ZFYVE19: variants seen among roughly 807,000 people sequenced by gnomAD.
The protein encoded by ZFYVE19 is zinc finger FYVE-type containing 19.
ZFYVE19 carries 49 observed loss-of-function variants against 62.8 expected under a neutral mutation model. That is an observed-to-expected ratio of 0.78 (90% CI 0.62 to 0.99). The LOEUF is 0.99. Among genes scored for constraint, ZFYVE19 ranks in the 50% least tolerant of loss-of-function variants. The probability of loss-of-function intolerance (pLI) is 0.00; values close to 1 mark genes in which losing one functional copy is unlikely to be tolerated. For missense variants in ZFYVE19, 630 were observed against 601.9 expected, an observed-to-expected ratio of 1.05 and a Z score of -0.49; for synonymous variants, 242 against 234.3, an observed-to-expected ratio of 1.03 and a Z score of -0.30.
rs770649702 is a variant in ZFYVE19 at position 40,809,160 on chromosome 15, C to T, written c.321C>T (p.Cys107=). ...KNCGRAFCSG[C]LSFSAAVPRT... is the part of the protein sequence containing the mutation. ...GTGGCAGGGCCTTCTGTTCAGGCTG[C>T]CTAAGCTTCAGTGCAGCAGTGCCTC... is the stretch of plus-strand genomic sequence containing the variant. The change falls in exon 2 of 11, where the codon TGC becomes TGT. Residue 107 remains cysteine, a synonymous_variant. Coordinates refer to ENST00000355341, the MANE Select transcript of ZFYVE19 (RefSeq NM_001077268.2). 1 of 1,614,060 alleles carries T rather than the reference C, an allele frequency of 6.2e-7. No individual in the cohort carries two copies. The highest frequency in any genetic ancestry group is 8.5e-7 in the Non-Finnish European group (1 of 1,180,036).
chr15:40,813,448 T>C (rs1890561676), intron 8 of ZFYVE19, 31 bp downstream of exon 8: 2 of 1,570,848 alleles, frequency 1.3e-6, no homozygotes, highest in Non-Finnish European at 1.7e-6. Flanking sequence ...TGCCACCCCT[T>C]GTCCCGTCTC....
chr15:40,814,075 G>C lies in ZFYVE19; in HGVS notation c.1337+5G>C, dbSNP rs1456119055. The stretch of plus-strand genomic sequence containing the variant: ...CTTCTGTGCCCGCTGCTTCCGGTGG[G>C]TGCAGGTGGAATGTTCTGTGCGAGA... On this transcript the variant is annotated splice_donor_5th_base_variant and intron_variant, in intron 10 of 10. Coordinates refer to ENST00000355341, the MANE Select transcript of ZFYVE19 (RefSeq NM_001077268.2). The C allele has an allele frequency of 6.2e-7, 1 of 1,614,114 alleles. No individual in the cohort carries two copies. Among genetic ancestry groups the C allele is most frequent in the Non-Finnish European group, 8.5e-7 (1 of 1,179,994 alleles).
rs1311440537 is a variant in ZFYVE19, at chr15:40,807,865, G to C, written c.276G>C (p.Lys92Asn). The change falls in exon 1 of 11, where the codon AAG becomes AAC. Residue 92 changes from lysine (K) to asparagine (N), a missense_variant. Physicochemically the swap from Lys to Asn is moderately conservative, Grantham distance 94. Coordinates refer to ENST00000355341, the MANE Select transcript of ZFYVE19 (RefSeq NM_001077268.2). ...CTGTCAAGTTCACCCTCTTCAAGAAGGAGGCGAGTCTTCCCTCCCCGAGGG... is the reference window on the plus strand; with the variant it reads ...CTGTCAAGTTCACCCTCTTCAAGAACGAGGCGAGTCTTCCCTCCCCGAGGG... ...GCAVKFTLFK[K>N]EYGCKNCGRA... is the part of the protein sequence containing the mutation. The C allele has an allele frequency of 2.0e-6, 3 of 1,535,422 alleles. No individual in the cohort carries two copies. Among genetic ancestry groups the C allele is most frequent in the Non-Finnish European group, 1.7e-6 (2 of 1,149,170 alleles).
chr15:40,808,250 C>G, intron 1 of ZFYVE19: 2 of 1,596,662 alleles, frequency 1.3e-6, no homozygotes, highest in Non-Finnish European at 1.7e-6. Flanking sequence ...TTCCCCATCC[C>G]GCAGCCTGCC....
At chr15:40,813,046 T>A in intron 7 of ZFYVE19, 144 bp downstream of exon 7, 2 of 975,474 alleles carry the variant, frequency 2.1e-6, no homozygotes, top group Non-Finnish European at 3.0e-6. Context: ...AGCAAAGCAG[T>A]GGGTGAGGAG....
rs1566840252 is a variant in ZFYVE19 at position 40,814,404 on chromosome 15, G to C, written c.*178G>C. ...ATTCTCCATTCGAGAGAATGACTGG[G>C]AGGGAAGAAGTCGGGGCCCTCCTAT... On this transcript the variant is annotated 3_prime_UTR_variant, in exon 11 of 11. Transcript: ENST00000355341. 1.3e-6 allele frequency: 1 copy of C among 746,356 alleles called. No individual in the cohort carries two copies. The highest frequency in any genetic ancestry group is 2.1e-6 in the Non-Finnish European group (1 of 466,392). The allele number at this position is 746,356 out of a possible 1,614,324, so 46.2% of individuals were successfully genotyped here. A position where few individuals can be genotyped will look rare whatever the true frequency, so the allele number is the denominator to read the frequency against.
In ZFYVE19 at chr15:40,810,675, C is replaced by G. The variant is rs1281167322; in HGVS notation, c.744C>G (p.Thr248=). 3.2e-6 allele frequency: 5 copies of G among 1,574,988 alleles called. No homozygotes were observed. In the East Asian group the frequency reaches 9.3e-5, roughly 29 times the overall value. ...CACATCACACACCGGACACCAGGACCCAAGCCCAGCAGACACAGGATCTGC... is the reference window on the plus strand; with the variant it reads ...CACATCACACACCGGACACCAGGACGCAAGCCCAGCAGACACAGGATCTGC... ...QPAHHTPDTR[T]QAQQTQDLLT... is the part of the protein sequence containing the mutation. The change falls in exon 6 of 11, where the codon ACC becomes ACG. Residue 248 remains threonine, a synonymous_variant. Coordinates refer to ENST00000355341, the MANE Select transcript of ZFYVE19 (RefSeq NM_001077268.2).
At chr15:40,812,560 A>AT in intron 6 of ZFYVE19, 139 bp from the exon 7 acceptor site, 4 of 325,764 alleles carry the variant, frequency 1.2e-5, no homozygotes, top group Non-Finnish European at 2.0e-5. Context: ...AAAAAAAAAA[A>AT]GAAAGAAAGA....
Position 40,812,899 on chromosome 15 carries a change from A to G in ZFYVE19, c.1027A>G (p.Arg343Gly), listed in dbSNP as rs543909533. The change falls in exon 7 of 11, where the codon AGA (arginine) becomes GGA (glycine). Residue 343 changes from arginine (R) to glycine (G), a missense_variant. Coordinates refer to ENST00000355341, the MANE Select transcript of ZFYVE19 (RefSeq NM_001077268.2). Reference sequence around the variant, plus strand: ...CATGCTGCGGGGACAGGACCCCGAGAGAGGTGAAGGCTGGGGAGCAGCTGC... The same window carrying G: ...CATGCTGCGGGGACAGGACCCCGAGGGAGGTGAAGGCTGGGGAGCAGCTGC... The part of the protein sequence containing the change: ...LAMLRGQDPE[R>G]VTLQDYRLPD... 1.4e-5 allele frequency: 22 copies of G among 1,610,216 alleles called. No individual in the cohort carries two copies. The South Asian group carries it at 2.3e-4, about 17-fold the overall frequency.
chr15:40,808,313 A>T (rs764939383), intron 1 of ZFYVE19: 1 of 1,597,864 alleles, frequency 6.3e-7, no homozygotes, highest in East Asian at 2.2e-5. Flanking sequence ...CTTCCGGGGC[A>T]CCATGGTGAA....
chr15:40,810,796 C>A, intron 6 of ZFYVE19, 39 bp downstream of exon 6: 1 of 1,550,104 alleles, frequency 6.5e-7, no homozygotes, highest in South Asian at 1.2e-5. Context: ...TCTGCCCTAC[C>A]TCTTTCCCCA....
At position 40,807,116 on chromosome 15, in the gene ZFYVE19, C is replaced by G. The variant is rs545172747; in HGVS notation, c.-474C>G. The G allele has an allele frequency of 4.4e-6, 4 of 901,396 alleles. No individual in the cohort carries two copies. The African/African-American group carries it at 6.7e-5, about 15-fold the overall frequency. 55.8% of individuals were successfully genotyped at this position (901,396 alleles called of 1,614,324 possible). A position where few individuals can be genotyped will look rare whatever the true frequency, so the allele number is the denominator to read the frequency against. On this transcript the variant is annotated 5_prime_UTR_variant, in exon 1 of 11. Coordinates refer to ENST00000355341, the MANE Select transcript of ZFYVE19 (RefSeq NM_001077268.2). ...TCCTTGCTGCCTCGCCCCGCGGCCT[C>G]TAGGAGACAGGGGCCACGGGGAGAG...
At position 40,807,675 on chromosome 15, in the gene ZFYVE19, G is replaced by T; in HGVS notation, c.86G>T (p.Arg29Leu). 6.2e-7 allele frequency: 1 copy of T among 1,610,958 alleles called. No homozygotes were observed. Residue 29 changes from arginine to leucine, a missense_variant, in exon 1 of 11, where the codon CGC (arginine) becomes CTC (leucine). Coordinates refer to ENST00000355341, the MANE Select transcript of ZFYVE19 (RefSeq NM_001077268.2). ...RRASGFPALG[R>L]GGTVPVGVWG... is the part of the protein sequence containing the mutation. ...GCGTCCGGATTCCCTGCTCTAGGTC[G>T]CGGCGGGACAGTGCCAGTGGGCGTG...
chr15:40,807,148 C>T lies in ZFYVE19; in HGVS notation c.-442C>T. 8.6e-7 allele frequency: 1 copy of T among 1,165,270 alleles called. No homozygotes were observed. The highest frequency in any genetic ancestry group is 1.2e-6 in the Non-Finnish European group (1 of 849,694). 72.2% of individuals were successfully genotyped at this position (1,165,270 alleles called of 1,614,324 possible). On this transcript the variant is annotated 5_prime_UTR_variant, in exon 1 of 11. Coordinates refer to ENST00000355341, the MANE Select transcript of ZFYVE19 (RefSeq NM_001077268.2). The stretch of plus-strand genomic sequence containing the variant: ...ACAGGGGCCACGGGGAGAGCACAGC[C>T]ACCCGGCGCGAAGAGCCCTCTGTAC...
At chr15:40,810,790 CCCTA>C (rs1462804194) in intron 6 of ZFYVE19, 33 bp downstream of exon 6, 8 of 1,550,572 alleles carry the variant, frequency 5.2e-6, no homozygotes, top group East Asian at 2.4e-5. Context: ...TAGGAATCTG[CCCTA>C]CCTCTTTCCC....
rs760797747 is a variant in ZFYVE19 at position 40,809,194 on chromosome 15, A to G, written c.355A>G (p.Asn119Asp). 1.2e-6 allele frequency: 2 copies of G among 1,614,196 alleles called. No individual in the cohort carries two copies. Among genetic ancestry groups the G allele is most frequent in the South Asian group, 2.2e-5 (2 of 91,084 alleles). ...SFSAAVPRTG[N>D]TQQKVCKQCH... Reference sequence around the variant, plus strand: ...CAGTGCAGCAGTGCCTCGGACTGGGAACACCCAACAGAAAGTCTGCAAGCA... The same window carrying G: ...CAGTGCAGCAGTGCCTCGGACTGGGGACACCCAACAGAAAGTCTGCAAGCA... Residue 119 changes from asparagine to aspartate, a missense_variant, in exon 2 of 11, where the codon AAC (asparagine) becomes GAC (aspartate). Coordinates refer to ENST00000355341, the MANE Select transcript of ZFYVE19 (RefSeq NM_001077268.2).
rs1890462734 is a variant in ZFYVE19 at position 40,810,764 on chromosome 15, C to T, written c.826+7C>T. 1 of 1,555,014 alleles carries T rather than the reference C, an allele frequency of 6.4e-7. No individual in the cohort carries two copies. Among genetic ancestry groups the T allele is most frequent in the Non-Finnish European group, 8.7e-7 (1 of 1,148,808 alleles). ...TGGAAAGGAGGAGGCCCAGGTAACC[C>T]CTCCACTTGGCTCCCTAGGAATCTG... On this transcript the variant is annotated splice_region_variant and intron_variant, in intron 6 of 10. Transcript: ENST00000355341.
chr15:40,812,993 G>A, intron 7 of ZFYVE19, 91 bp downstream of exon 7: 1 of 1,396,090 alleles, frequency 7.2e-7, no homozygotes, highest in Non-Finnish European at 9.9e-7. Flanking sequence ...TTTGCGCCCA[G>A]AGATCTACTG....
intron 6 of ZFYVE19, among the ~76,000 whole-genome samples, chr15:40,812,001 G>A (rs1890501902): frequency 6.6e-6 from 1 of 152,194 alleles, no homozygotes; most frequent in South Asian, 2.1e-4. Context: ...TGCCCTGAAA[G>A]GCAAAGAGAT....
Sources: gnomAD v4.1 joint callset for allele counts (sites outside exome capture counted in the v4.1 genomes callset) on GRCh38, gnomAD v4.1.1 for gene constraint, MANE v1.5 for transcripts, NCBI Gene and HGNC (gene_info 2026-07-23, HGNC 2026-07-21) for gene names.